RGS17: variants seen among roughly 807,000 people sequenced by gnomAD.
The protein encoded by RGS17 is regulator of G-protein signaling 17.
RGS17 carries 12 observed loss-of-function variants against 25.5 expected under a neutral mutation model. The observed-to-expected ratio is 0.47, with a 90% CI of 0.30 to 0.76. RGS17 has a LOEUF of 0.76. Ranked by LOEUF, RGS17 falls within the 30% of genes least tolerant of loss-of-function variation. RGS17 has a pLI of 0.07. For synonymous variants in RGS17, 71 were observed against 76.9 expected (o/e 0.92, Z 0.40); for missense variants, 196 against 242.2 (o/e 0.81, Z 1.27).
chr6:153,058,574 G>A (rs1297957759), intron 1 of RGS17, among the ~76,000 whole-genome samples: 1 of 152,164 alleles, frequency 6.6e-6, no homozygotes, highest in Non-Finnish European at 1.5e-5. Flanking sequence ...TTACCATGTA[G>A]TTGTTGATTC....
chr6:153,016,209 A>G (rs1779182504), intron 4 of RGS17, among the ~76,000 whole-genome samples: 1 of 152,246 alleles, frequency 6.6e-6, no homozygotes, highest in Admixed American at 6.5e-5. Context: ...TAATTTTAAA[A>G]AGCACAGAAT....
intron 1 of RGS17, 127 bp from the exon 2 acceptor site, chr6:153,044,170 T>C: frequency 3.3e-6 from 2 of 612,354 alleles, no homozygotes; most frequent in South Asian, 3.7e-5. Context: ...ATAAGGAAAC[T>C]TGAGAGGCCA....
chr6:153,115,952 C>T (rs1410088170), intron 1 of RGS17, among the ~76,000 whole-genome samples: 1 of 152,192 alleles, frequency 6.6e-6, no homozygotes. Flanking sequence ...AAACGTAAAA[C>T]CTAAATCTGT....
intron 1 of RGS17, among the ~76,000 whole-genome samples, chr6:153,103,924 C>T (rs1371744219): frequency 1.3e-5 from 2 of 152,112 alleles, no homozygotes; most frequent in Non-Finnish European, 2.9e-5. Context: ...CATATAAAAG[C>T]TTTGAAGAGG....
At chr6:153,089,616 G>C (rs1777098668) in intron 1 of RGS17, among the ~76,000 whole-genome samples, 1 of 151,926 alleles carries the variant, frequency 6.6e-6, no homozygotes, top group African/African-American at 2.4e-5. Flanking sequence ...ACGACTTGGT[G>C]ATTTTTTTTT....
rs1237765414 is a variant in RGS17, at chr6:153,054,090, TTTTATATATATATATATATATATGTGTA to T, written c.-25-10075_-25-10048del. Among the ~76,000 whole-genome samples, 10 of 8,022 alleles carry T rather than the reference TTTTATATATATATATATATATATGTGTA, an allele frequency of 1.2e-3. 2 individuals are homozygous for T. Among genetic ancestry groups the T allele is most frequent in the African/African-American group, 2.6e-3 (5 of 1,942 alleles). The allele number at this position is 8,022 out of a possible 152,430, so 5.3% of individuals were successfully genotyped here. A position where few individuals can be genotyped will look rare whatever the true frequency, so the allele number is the denominator to read the frequency against. ...TACATATATATATACACACAATATT[TTTTATATATATATATATATATATGTGTA>T]TATATATATATATACAGCTTTATAC... On this transcript the variant is annotated intron_variant, in intron 1 of 4. Coordinates refer to ENST00000206262, the MANE Select transcript of RGS17 (RefSeq NM_012419.5).
In RGS17 at chr6:153,008,189, A is replaced by G. The variant is rs1232409759; in HGVS notation, c.*3385T>C. 1 of 152,164 alleles carries G rather than the reference A, an allele frequency of 6.6e-6. No homozygotes were observed. The highest frequency in any genetic ancestry group is 1.5e-5 in the Non-Finnish European group (1 of 68,012). The allele number at this position is 152,164 out of a possible 1,614,324, so 9.4% of individuals were successfully genotyped here. A position where few individuals can be genotyped will look rare whatever the true frequency, so the allele number is the denominator to read the frequency against. On this transcript the variant is annotated 3_prime_UTR_variant, in exon 5 of 5. Coordinates refer to ENST00000206262, the MANE Select transcript of RGS17 (RefSeq NM_012419.5). ...CTTATCCCTATAGTCCTTTGGCAAAACTGAACTATCAGGTAGATAAACAAC... is the reference window on the plus strand; with the variant it reads ...CTTATCCCTATAGTCCTTTGGCAAAGCTGAACTATCAGGTAGATAAACAAC...
chr6:153,123,593 T>C (rs1038581644), intron 1 of RGS17, among the ~76,000 whole-genome samples: 3 of 152,210 alleles, frequency 2.0e-5, no homozygotes, highest in Non-Finnish European at 4.4e-5. Context: ...TGGAGATGGT[T>C]TTCTTTCTCA....
At position 153,011,706 on chromosome 6, in the gene RGS17, A is replaced by C; in HGVS notation, c.501T>G (p.Asn167Lys). 1 of 1,613,438 alleles carries C rather than the reference A, an allele frequency of 6.2e-7. No individual in the cohort carries two copies. The highest frequency in any genetic ancestry group is 2.2e-5 in the East Asian group (1 of 44,816). ...EVINRNLLDPNPHMYEDAQLQ... is the reference protein window; with the variant it reads ...EVINRNLLDPKPHMYEDAQLQ... ...GTTGGGCATCTTCATACATGTGAGG[A>C]TTGGGATCCAACAGATTTCTATTGA... Residue 167 changes from asparagine (N) to lysine (K), a missense_variant, in exon 5 of 5, where the codon AAT (asparagine) becomes AAG (lysine). This residue lies in a region of RGS17 where 179 missense variants were observed against 197.6 expected (regional missense o/e 0.91). Coordinates refer to ENST00000206262, the MANE Select transcript of RGS17 (RefSeq NM_012419.5).
chr6:153,017,421 CAG>C (rs1476298468), intron 4 of RGS17, among the ~76,000 whole-genome samples: 7 of 152,208 alleles, frequency 4.6e-5, no homozygotes, highest in African/African-American at 1.4e-4. Context: ...AGAATGAAGA[CAG>C]AGAAATCTTG....
At chr6:153,102,346 T>C (rs1435040766) in intron 1 of RGS17, among the ~76,000 whole-genome samples, 1 of 152,220 alleles carries the variant, frequency 6.6e-6, no homozygotes, top group African/African-American at 2.4e-5. Context: ...TGTGTGAAAA[T>C]TCAGACAGAC....
chr6:153,118,296 T>C (rs1253137009), intron 1 of RGS17, among the ~76,000 whole-genome samples: 2 of 152,196 alleles, frequency 1.3e-5, no homozygotes, highest in Admixed American at 6.5e-5. Context: ...CATCTTAATA[T>C]TGCACACTTG....
At chr6:153,092,690 C>A (rs748165005) in intron 1 of RGS17, among the ~76,000 whole-genome samples, 6 of 152,198 alleles carry the variant, frequency 3.9e-5, no homozygotes, top group Non-Finnish European at 7.3e-5. Flanking sequence ...GAGGTCAGAA[C>A]ATTGCTCACA....
intron 1 of RGS17, among the ~76,000 whole-genome samples, chr6:153,053,412 C>T (rs146188324): frequency 6.2e-4 from 95 of 152,190 alleles, no homozygotes; most frequent in Non-Finnish European, 1.1e-3. Context: ...GGGAAGATAA[C>T]GATCAGGCTG....
At chr6:153,081,717 C>A (rs1776984357) in intron 1 of RGS17, among the ~76,000 whole-genome samples, 1 of 151,936 alleles carries the variant, frequency 6.6e-6, no homozygotes, top group Non-Finnish European at 1.5e-5. Context: ...GGTATTTTTA[C>A]ATGTTATTAA....
chr6:153,105,767 G>A (rs1777370559), intron 1 of RGS17, among the ~76,000 whole-genome samples: 1 of 152,192 alleles, frequency 6.6e-6, no homozygotes, highest in South Asian at 2.1e-4. Flanking sequence ...GTGTGGCTGA[G>A]GCATAAGGTG....
intron 1 of RGS17, among the ~76,000 whole-genome samples, chr6:153,060,487 A>C (rs2185027): frequency 0.38 from 58,389 of 151,986 alleles, 11,905 homozygotes; most frequent in East Asian, 0.62. Flanking sequence ...CTGCTGACTT[A>C]GAGTTTTGCC....
intron 1 of RGS17, among the ~76,000 whole-genome samples, chr6:153,106,347 A>C (rs559559425): frequency 6.6e-6 from 1 of 151,976 alleles, no homozygotes; most frequent in South Asian, 2.1e-4. Context: ...AGTGAAGGGA[A>C]GCATGCACAG....
chr6:153,068,218 G>A (rs1469510793), intron 1 of RGS17, among the ~76,000 whole-genome samples: 2 of 152,176 alleles, frequency 1.3e-5, no homozygotes, highest in Non-Finnish European at 2.9e-5. Flanking sequence ...GCCAAGGCGG[G>A]TAGATCACCT....
Sources: gnomAD v4.1 joint callset for allele counts (sites outside exome capture counted in the v4.1 genomes callset) on GRCh38, gnomAD v4.1.1 for gene constraint, gnomAD v4.1.1 regional missense constraint, MANE v1.5 for transcripts, NCBI Gene and HGNC (gene_info 2026-07-23, HGNC 2026-07-21) for gene names.